LEF1: variants seen among roughly 807,000 people sequenced by gnomAD.
LEF1 encodes the protein lymphoid enhancer-binding factor 1.
A neutral mutation model predicts 51.2 loss-of-function variants in LEF1; 14 were observed. That is an observed-to-expected ratio of 0.27 (90% CI 0.18 to 0.43). The LOEUF (loss-of-function observed/expected upper bound fraction) is 0.43, where lower values mean the gene tolerates loss of function less well. Among genes scored for constraint, LEF1 ranks in the 20% least tolerant of loss-of-function variants. The pLI is 1.00. For synonymous variants in LEF1, 185 were observed against 183.2 expected (o/e 1.01, Z -0.08); for missense variants, 386 against 512.0 (o/e 0.75, Z 2.37).
In LEF1 at chr4:108,089,203, G is replaced by C. The variant is rs555674649; in HGVS notation, c.469C>G (p.Leu157Val). The C allele has an allele frequency of 1.2e-6, 2 of 1,614,062 alleles. No homozygotes were observed. Among genetic ancestry groups the C allele is most frequent in the Admixed American group, 3.3e-5 (2 of 60,010 alleles). The change falls in exon 4 of 12, where the codon CTC (leucine) becomes GTC (valine). Residue 157 changes from leucine to valine, a missense_variant. Physicochemically the swap from Leu to Val is conservative, Grantham distance 32 (BLOSUM62 1). This residue lies in a region of LEF1 where 335 missense variants were observed against 390.7 expected (regional missense o/e 0.86). Transcript: ENST00000265165. ...PSHAVHPLTP[L>V]ITYSDEHFSP... is the part of the protein sequence containing the mutation. ...AAGTGCTCGTCACTGTAAGTGATGAGGGGGGTGAGAGGATGGACCGCATGG... is the reference window on the plus strand; with the variant it reads ...AAGTGCTCGTCACTGTAAGTGATGACGGGGGTGAGAGGATGGACCGCATGG...
chr4:108,118,337 CAT>C (rs1741962184), intron 3 of LEF1, among the ~76,000 whole-genome samples: 1 of 152,206 alleles, frequency 6.6e-6, no homozygotes, highest in African/African-American at 2.4e-5. Context: ...TAAACAGTGA[CAT>C]AAAAATACTC....
intron 3 of LEF1, among the ~76,000 whole-genome samples, chr4:108,127,618 T>C (rs1415336722): frequency 3.9e-5 from 6 of 152,230 alleles, no homozygotes. Context: ...ACAGGTTTCA[T>C]AGCTCATCTC....
chr4:108,100,902 T>C (rs1317579782), intron 3 of LEF1, among the ~76,000 whole-genome samples: 1 of 152,254 alleles, frequency 6.6e-6, no homozygotes, highest in Non-Finnish European at 1.5e-5. Context: ...AATCTTGATC[T>C]CTGTCTGAAA....
intron 3 of LEF1, among the ~76,000 whole-genome samples, chr4:108,151,991 G>A (rs1292311934): frequency 2.0e-5 from 3 of 152,150 alleles, no homozygotes; most frequent in Admixed American, 2.0e-4. Context: ...CAACAAAGAT[G>A]AATAAGACAT....
chr4:108,150,067 T>C (rs1744275664), intron 3 of LEF1, among the ~76,000 whole-genome samples: 1 of 152,094 alleles, frequency 6.6e-6, no homozygotes. Flanking sequence ...CTGTTGCAAC[T>C]TCTCAGGAAT....
At chr4:108,113,692 A>C (rs1426293704) in intron 3 of LEF1, among the ~76,000 whole-genome samples, 2 of 152,256 alleles carry the variant, frequency 1.3e-5, no homozygotes, top group East Asian at 3.8e-4. Flanking sequence ...GGGCAAATGC[A>C]AAACAGCAGT....
At chr4:108,061,642 CAAA>C (rs11285438) in intron 11 of LEF1, among the ~76,000 whole-genome samples, 14 of 144,086 alleles carry the variant, frequency 9.7e-5, no homozygotes, top group African/African-American at 3.3e-4. Flanking sequence ...TTTTTTTTTT[CAAA>C]AAAAAAAAAA....
rs1736773850 is a variant in LEF1, at chr4:108,048,610, T to A, written c.*148A>T. ...AGCGTCTCTAGCAGTGACCTCAGGG[T>A]AAAATTGATGTCAGTGTTCCTTTGG... is the stretch of plus-strand genomic sequence containing the variant. On this transcript the variant is annotated 3_prime_UTR_variant, in exon 12 of 12. Coordinates refer to ENST00000265165, the MANE Select transcript of LEF1 (RefSeq NM_016269.5). 9.0e-7 allele frequency: 1 copy of A among 1,114,066 alleles called. No individual in the cohort carries two copies. The highest frequency in any genetic ancestry group is 1.8e-5 in the South Asian group (1 of 55,950). The allele number at this position is 1,114,066 out of a possible 1,614,324, so 69.0% of individuals were successfully genotyped here.
intron 1 of LEF1, chr4:108,166,671 C>T: frequency 1.0e-6 from 1 of 1,001,488 alleles, no homozygotes. Context: ...CTCTATCGCC[C>T]GCAGCGGGCC....
chr4:108,142,637 T>C (rs1186178501), intron 3 of LEF1, among the ~76,000 whole-genome samples: 1 of 152,240 alleles, frequency 6.6e-6, no homozygotes, highest in African/African-American at 2.4e-5. Flanking sequence ...CGACCATAAA[T>C]CACTATACTA....
At chr4:108,161,253 C>T (rs950043419) in intron 3 of LEF1, among the ~76,000 whole-genome samples, 1 of 151,878 alleles carries the variant, frequency 6.6e-6, no homozygotes, top group African/African-American at 2.4e-5. Context: ...TTCGGTTGGA[C>T]CCTAAAAAAA....
intron 3 of LEF1, among the ~76,000 whole-genome samples, chr4:108,134,872 G>A (rs1743151252): frequency 6.6e-6 from 1 of 152,190 alleles, no homozygotes; most frequent in African/African-American, 2.4e-5. Context: ...AAAGGGTAAT[G>A]ATAACCCACC....
chr4:108,064,648 CT>C (rs1737930059), intron 9 of LEF1, among the ~76,000 whole-genome samples: 1 of 140,718 alleles, frequency 7.1e-6, no homozygotes, highest in Non-Finnish European at 1.5e-5. Context: ...CTCTCTCTCT[CT>C]CTCACTCACA....
intron 4 of LEF1, among the ~76,000 whole-genome samples, chr4:108,085,510 A>G (rs1176706813): frequency 6.6e-6 from 1 of 152,202 alleles, no homozygotes; most frequent in East Asian, 1.9e-4. Context: ...ACTTGCTTGC[A>G]GTCACATGTC....
intron 3 of LEF1, among the ~76,000 whole-genome samples, chr4:108,140,685 C>A (rs1292973416): frequency 6.6e-6 from 1 of 152,202 alleles, no homozygotes; most frequent in Non-Finnish European, 1.5e-5. Context: ...TGCGAGGTTA[C>A]TCCTACGCCT....
At chr4:108,162,891 A>G (rs1169450750) in intron 3 of LEF1, among the ~76,000 whole-genome samples, 1 of 152,240 alleles carries the variant, frequency 6.6e-6, no homozygotes, top group African/African-American at 2.4e-5. Context: ...ATATCATCAA[A>G]TAAACCTGAA....
chr4:108,159,414 A>G (rs1205734640), intron 3 of LEF1, among the ~76,000 whole-genome samples: 1 of 152,260 alleles, frequency 6.6e-6, no homozygotes, highest in East Asian at 1.9e-4. Context: ...TTAAAATAGA[A>G]AAGTGAAAAT....
At chr4:108,142,605 T>C (rs766870481) in intron 3 of LEF1, among the ~76,000 whole-genome samples, 6 of 152,206 alleles carry the variant, frequency 3.9e-5, no homozygotes, top group Admixed American at 6.5e-5. Flanking sequence ...ACATTTAAAA[T>C]CAACATAAAA....
intron 3 of LEF1, among the ~76,000 whole-genome samples, chr4:108,120,597 T>C (rs775882657): frequency 3.3e-5 from 5 of 152,254 alleles, no homozygotes; most frequent in Admixed American, 6.5e-5. Context: ...CTTTTCCTAC[T>C]CTGTTACATT....
Sources: allele counts gnomAD v4.1 joint callset (sites outside exome capture counted in the v4.1 genomes callset), GRCh38; gene constraint gnomAD v4.1.1; regional missense constraint gnomAD v4.1.1; transcripts MANE v1.5; gene names NCBI Gene and HGNC (gene_info 2026-07-23, HGNC 2026-07-21).